The following KARS1 variants were observed in gnomAD, a reference collection of about 807,000 sequenced individuals.
KARS1 encodes lysyl-tRNA synthetase 1.
Under a neutral mutation model 63.9 loss-of-function variants are expected in KARS1, and 50 were observed. That is an observed-to-expected ratio of 0.78 (90% confidence interval 0.62 to 0.99). The LOEUF is 0.99. KARS1 is among the 50% of genes least tolerant of loss of function. The pLI is 0.00. For missense variants in KARS1, 816 were observed against 754.5 expected, an observed-to-expected ratio of 1.08 and a Z score of -0.95; for synonymous variants, 320 against 264.6, an observed-to-expected ratio of 1.21 and a Z score of -2.03.
In KARS1 at chr16:75,630,503, A is replaced by G. The variant is rs2082100013; in HGVS notation, c.1344T>C (p.Val448=). 1 of 1,605,098 alleles carries G rather than the reference A, an allele frequency of 6.2e-7. No homozygotes were observed. The highest frequency in any genetic ancestry group is 1.7e-5 in the Admixed American group (1 of 59,998). Residue 448 remains valine (V), a synonymous_variant, in exon 11 of 14, where the codon GTT becomes GTC. Transcript: ENST00000302445. ...TGCAAGTCACTTCCAGGAACTCCCC[A>G]ACAAGCTTAATGAGAAAGCAAAGCA... ...RTTARLLDKL[V]GEFLEVTCIN...
chr16:75,641,831 G>A, intron 1 of KARS1, 108 bp from the exon 2 acceptor site: 2 of 1,176,020 alleles, frequency 1.7e-6, no homozygotes, highest in Non-Finnish European at 2.5e-6. Context: ...AAACGCTCTT[G>A]CTCAGTTCTA....
chr16:75,640,209 C>A lies in KARS1; in HGVS notation c.363G>T (p.Leu121=), dbSNP rs780667483. 8.1e-6 allele frequency: 13 copies of A among 1,614,152 alleles called. No individual in the cohort carries two copies. The South Asian group carries it at 1.2e-4, about 15-fold the overall frequency. The part of the protein sequence containing the change: ...KYSHLQPGDH[L]TDITLKVAGR... ...CTGCCACCTTTAAGGTGATGTCAGTCAGGTGATCCCCAGGCTGCAGGTGAC... is the reference window on the plus strand; with the variant it reads ...CTGCCACCTTTAAGGTGATGTCAGTAAGGTGATCCCCAGGCTGCAGGTGAC... The change falls in exon 3 of 14, where the codon CTG becomes CTT. Residue 121 remains leucine (L), a synonymous_variant. Transcript: ENST00000302445.
At chr16:75,645,363 C>G (rs985032512) in intron 1 of KARS1, among the ~76,000 whole-genome samples, 2 of 152,140 alleles carry the variant, frequency 1.3e-5, no homozygotes, top group Middle Eastern at 3.2e-3. Flanking sequence ...CACTGCTAGA[C>G]TATATTTTAG....
chr16:75,642,080 T>C (rs79309890), intron 1 of KARS1, among the ~76,000 whole-genome samples: 1,566 of 151,424 alleles, frequency 0.01, 35 homozygotes, highest in African/African-American at 0.036. Flanking sequence ...AAAATTAGAA[T>C]AGGCTTTTCT....
At chr16:75,639,510 TG>T (rs2082199625) in intron 3 of KARS1, among the ~76,000 whole-genome samples, 1 of 142,052 alleles carries the variant, frequency 7.0e-6, no homozygotes, top group East Asian at 2.0e-4. Flanking sequence ...GGGCAGAGGT[TG>T]CAGTAAGCTG....
At chr16:75,644,560 A>T in intron 1 of KARS1, 1 of 781,902 alleles carries the variant, frequency 1.3e-6, no homozygotes. Context: ...CCATGCTTCT[A>T]CTACCTTTTA....
In KARS1 at chr16:75,636,623, C is replaced by G. The variant is rs1209908351; in HGVS notation, c.389-76G>C. 43 of 955,040 alleles carry G rather than the reference C, an allele frequency of 4.5e-5. No individual in the cohort carries two copies. In the Admixed American group the frequency reaches 8.5e-4, roughly 19 times the overall value. 59.2% of individuals were successfully genotyped at this position (955,040 alleles called of 1,614,324 possible). A position where few individuals can be genotyped will look rare whatever the true frequency, so the allele number is the denominator to read the frequency against. On this transcript the variant is annotated intron_variant, in intron 3 of 13. Transcript: ENST00000302445. ...ATGGTATCAGTGTCAAAAAAAAACTCCCTCTGCATTTTTTTTTTTGTTTTT... is the reference window on the plus strand; with the variant it reads ...ATGGTATCAGTGTCAAAAAAAAACTGCCTCTGCATTTTTTTTTTTGTTTTT...
rs1181790538 is a variant in KARS1, at chr16:75,636,036, A to G, written c.545T>C (p.Ile182Thr). The change falls in exon 5 of 14, where the codon ATT (isoleucine) becomes ACT (threonine). Residue 182 changes from isoleucine (I) to threonine (T), a missense_variant. Transcript: ENST00000302445. ...INNKLRRGDIIGVQGNPGKTK... is the reference protein window; with the variant it reads ...INNKLRRGDITGVQGNPGKTK... ...TTTACCAGGATTCCCCTGAACTCCA[A>G]TTATGTCTCCCCGACGCAGTTTGTT... 7 of 1,610,454 alleles carry G rather than the reference A, an allele frequency of 4.3e-6. No individual in the cohort carries two copies. The highest frequency in any genetic ancestry group is 1.3e-5 in the African/African-American group (1 of 74,844).
intron 3 of KARS1, among the ~76,000 whole-genome samples, chr16:75,637,971 A>T (rs1436929540): frequency 6.6e-6 from 1 of 151,886 alleles, no homozygotes; most frequent in Non-Finnish European, 1.5e-5. Flanking sequence ...CTCAAAAAAC[A>T]AGCTGCAGTA....
In KARS1 at chr16:75,631,268, CAA is replaced by C. The variant is rs2082109887; in HGVS notation, c.1253-17_1253-16del. 3 of 1,612,050 alleles carry C rather than the reference CAA, an allele frequency of 1.9e-6. No homozygotes were observed. The African/African-American group carries it at 4.0e-5, about 22-fold the overall frequency. Reference sequence around the variant, plus strand: ...TTTGCGAGTTTCTGGGACACAAATGCAAAAGTTAGGGCAGGAGACATCACACT... The same window carrying C: ...TTTGCGAGTTTCTGGGACACAAATGCAAGTTAGGGCAGGAGACATCACACT... On this transcript the variant is annotated splice_polypyrimidine_tract_variant and intron_variant, in intron 9 of 13. Transcript: ENST00000302445.
intron 1 of KARS1, chr16:75,644,467 C>A: frequency 1.3e-6 from 2 of 1,581,260 alleles, no homozygotes; most frequent in Non-Finnish European, 1.7e-6. Flanking sequence ...CACCACCTAG[C>A]GGGAAACACA....
chr16:75,635,456 A>G (rs1002809761), intron 6 of KARS1: 7 of 553,186 alleles, frequency 1.3e-5, no homozygotes, highest in Non-Finnish European at 2.3e-5. Flanking sequence ...ATGTGACATC[A>G]TTAGCATGTG....
At chr16:75,632,608 G>A (rs1417584785) in intron 7 of KARS1, among the ~76,000 whole-genome samples, 2 of 152,190 alleles carry the variant, frequency 1.3e-5, no homozygotes, top group African/African-American at 4.8e-5. Flanking sequence ...AATGACTTGT[G>A]CCTAGTGCCA....
At chr16:75,630,913 G>A (rs1017388416) in intron 10 of KARS1, among the ~76,000 whole-genome samples, 1 of 152,180 alleles carries the variant, frequency 6.6e-6, no homozygotes, top group Non-Finnish European at 1.5e-5. Flanking sequence ...GGGATTACAG[G>A]TGTGAGCCAC....
At chr16:75,628,145 A>T in intron 13 of KARS1, 152 bp from the exon 14 acceptor site, 1 of 691,844 alleles carries the variant, frequency 1.4e-6, no homozygotes, top group Non-Finnish European at 2.7e-6. Flanking sequence ...TTTTATTTCA[A>T]CTCAGACCCT....
chr16:75,636,527 C>T lies in KARS1; in HGVS notation c.409G>A (p.Ala137Thr). 10 of 1,612,338 alleles carry T rather than the reference C, an allele frequency of 6.2e-6. No individual in the cohort carries two copies. Among genetic ancestry groups the T allele is most frequent in the Non-Finnish European group, 8.5e-6 (10 of 1,178,474 alleles). ...TAGAAGATGAGCTTTCCCCCAGAAG[C>T]TCTTTTGGCATGGATCCTACCTAGA... ...KVAGRIHAKR[A>T]SGGKLIFYDL... The change falls in exon 4 of 14, where the codon GCT becomes ACT. Residue 137 changes from alanine (A) to threonine (T), a missense_variant. Coordinates refer to ENST00000302445, the MANE Select transcript of KARS1 (RefSeq NM_005548.3).
At chr16:75,642,185 CTTTT>C (rs148991591) in intron 1 of KARS1, among the ~76,000 whole-genome samples, 250 of 63,052 alleles carry the variant, frequency 4.0e-3, no homozygotes, top group Non-Finnish European at 6.5e-3. Context: ...AGTGCCAGGT[CTTTT>C]TTTTTTTTTT....
At position 75,627,846 on chromosome 16, in the gene KARS1, C is replaced by T. The variant is rs1192423088; in HGVS notation, c.*49G>A. On this transcript the variant is annotated 3_prime_UTR_variant, in exon 14 of 14. Transcript: ENST00000302445. ...AATTCCCTTGCAGACCTTGATCTTT[C>T]GCAGAAATGCAAAGACGCCTGAGTT... The T allele has an allele frequency of 2.5e-5, 26 of 1,055,004 alleles. No individual in the cohort carries two copies. The highest frequency in any genetic ancestry group is 6.3e-5 in the African/African-American group (4 of 63,440). 65.4% of individuals were successfully genotyped at this position (1,055,004 alleles called of 1,614,324 possible). A position where few individuals can be genotyped will look rare whatever the true frequency, so the allele number is the denominator to read the frequency against.
intron 11 of KARS1, 121 bp downstream of exon 11, chr16:75,630,300 GTT>G (rs2082097210): frequency 2.9e-6 from 2 of 697,220 alleles, no homozygotes; most frequent in Non-Finnish European, 5.1e-6. Context: ...AGCCACTTGG[GTT>G]ACCCTGGTCA....
Sources: allele counts gnomAD v4.1 joint callset (sites outside exome capture counted in the v4.1 genomes callset), GRCh38; gene constraint gnomAD v4.1.1; transcripts MANE v1.5; gene names NCBI Gene and HGNC (gene_info 2026-07-23, HGNC 2026-07-21).